Variants in CCDC178 observed in about 807,000 individuals in gnomAD.
CCDC178 encodes the protein coiled-coil domain containing 178, also known as coiled-coil domain-containing protein 178.
A neutral mutation model predicts 117.4 loss-of-function variants in CCDC178; 126 were observed. The ratio of observed to expected loss-of-function variants is 1.07; its 90% CI spans 0.93 to 1.24. CCDC178 has a LOEUF of 1.24. CCDC178 is among the 50% of genes most tolerant of loss of function. The pLI, the probability that CCDC178 is intolerant of heterozygous loss-of-function variation, is 0.00. For missense variants in CCDC178, 1,030 were observed against 986.9 expected (o/e 1.04, Z -0.59); for synonymous variants, 283 against 313.4 (o/e 0.90, Z 1.02).
intron 21 of CCDC178, among the ~76,000 whole-genome samples, chr18:33,050,746 G>T (rs1380693997): frequency 6.6e-6 from 1 of 152,056 alleles, no homozygotes; most frequent in Admixed American, 6.6e-5. Context: ...TATCTTCATT[G>T]GTGTAAGAAT....
chr18:33,172,216 C>A (rs2058610339), intron 20 of CCDC178, among the ~76,000 whole-genome samples: 1 of 152,122 alleles, frequency 6.6e-6, no homozygotes, highest in Non-Finnish European at 1.5e-5. Context: ...AAACAAAAGA[C>A]CATTTTAAAA....
chr18:33,212,200 TC>T, intron 19 of CCDC178, 145 bp from the exon 20 acceptor site: 1 of 574,402 alleles, frequency 1.7e-6, no homozygotes, highest in South Asian at 2.4e-5. Flanking sequence ...CTGGTTTTTC[TC>T]AAGGTCTACT....
intron 11 of CCDC178, among the ~76,000 whole-genome samples, chr18:33,307,774 C>A (rs1416085824): frequency 6.6e-6 from 1 of 152,202 alleles, no homozygotes; most frequent in East Asian, 1.9e-4. Context: ...CTAGCCATGG[C>A]TAACAGGAGC....
intron 21 of CCDC178, among the ~76,000 whole-genome samples, chr18:33,056,887 A>C (rs1345264820): frequency 6.6e-6 from 1 of 151,744 alleles, no homozygotes; most frequent in Non-Finnish European, 1.5e-5. Context: ...CTGGAATTGT[A>C]GATATCATAA....
At chr18:33,100,191 C>A (rs1482774512) in intron 20 of CCDC178, among the ~76,000 whole-genome samples, 1 of 151,848 alleles carries the variant, frequency 6.6e-6, no homozygotes, top group African/African-American at 2.4e-5. Flanking sequence ...TATGAGGACA[C>A]AAAGGACTCC....
At chr18:33,397,519 G>A (rs1332140019) in intron 3 of CCDC178, among the ~76,000 whole-genome samples, 3 of 152,062 alleles carry the variant, frequency 2.0e-5, no homozygotes, top group African/African-American at 7.2e-5. Context: ...TCTGTTTAGT[G>A]TTCAAGAGAA....
Position 33,187,086 on chromosome 18 carries a change from GGAGA to G in CCDC178, c.2238+24806_2238+24809del, listed in dbSNP as rs58400297. Among the ~76,000 whole-genome samples, 545 of 140,056 alleles carry G rather than the reference GGAGA, an allele frequency of 3.9e-3. 7 individuals carry two copies. Among genetic ancestry groups the G allele is most frequent in the East Asian group, 7.6e-3 (35 of 4,580 alleles). The allele number at this position is 140,056 out of a possible 152,430, so 91.9% of individuals were successfully genotyped here. On this transcript the variant is annotated intron_variant, in intron 20 of 22. Coordinates refer to ENST00000383096, the MANE Select transcript of CCDC178 (RefSeq NM_001105528.4). ...ACAAGGCACATCTTACATGGCGGCA[GGAGA>G]GAGAGAGAGAGAGAGAGAGAGAGAG...
chr18:33,393,858 A>T (rs368023829), intron 4 of CCDC178, among the ~76,000 whole-genome samples: 3 of 152,198 alleles, frequency 2.0e-5, no homozygotes, highest in Non-Finnish European at 4.4e-5. Flanking sequence ...GTGTGTATAT[A>T]AGTGTGTTCA....
At chr18:33,229,940 T>C (rs1359786605) in intron 15 of CCDC178, among the ~76,000 whole-genome samples, 1 of 152,150 alleles carries the variant, frequency 6.6e-6, no homozygotes, top group East Asian at 1.9e-4. Flanking sequence ...ACATGAATTA[T>C]GTAGCTGCTG....
intron 14 of CCDC178, among the ~76,000 whole-genome samples, chr18:33,261,410 C>T (rs549918633): frequency 1.3e-4 from 20 of 151,152 alleles, no homozygotes; most frequent in African/African-American, 4.9e-4. Context: ...CAGTTCATGG[C>T]CAAGGTATGC....
At chr18:33,339,664 C>T (rs777170020) in intron 9 of CCDC178, among the ~76,000 whole-genome samples, 1 of 151,854 alleles carries the variant, frequency 6.6e-6, no homozygotes. Context: ...GTAACTGAAT[C>T]GGCAGTGGCG....
At chr18:33,233,153 C>G in intron 15 of CCDC178, among the ~76,000 whole-genome samples, 1 of 152,060 alleles carries the variant, frequency 6.6e-6, no homozygotes, top group Non-Finnish European at 1.5e-5. Flanking sequence ...CATCCTTAAA[C>G]CTGCATCTCT....
chr18:33,402,983 T>A (rs2063729392), intron 3 of CCDC178, among the ~76,000 whole-genome samples: 1 of 152,252 alleles, frequency 6.6e-6, no homozygotes, highest in African/African-American at 2.4e-5. Context: ...GTTACTGTGA[T>A]GCACAATTCT....
intron 8 of CCDC178, among the ~76,000 whole-genome samples, chr18:33,346,948 C>T (rs1367781776): frequency 6.6e-6 from 1 of 152,098 alleles, no homozygotes; most frequent in Non-Finnish European, 1.5e-5. Flanking sequence ...TCAATTAACT[C>T]CTTTAATGAG....
intron 11 of CCDC178, among the ~76,000 whole-genome samples, chr18:33,310,499 G>A (rs1038245579): frequency 6.6e-6 from 1 of 152,000 alleles, no homozygotes; most frequent in East Asian, 1.9e-4. Flanking sequence ...ATCAACCTGG[G>A]AAGCAAGCTG....
At chr18:33,311,892 G>T (rs2062348779) in intron 11 of CCDC178, among the ~76,000 whole-genome samples, 1 of 152,096 alleles carries the variant, frequency 6.6e-6, no homozygotes, top group Non-Finnish European at 1.5e-5. Flanking sequence ...AAAATTGCAG[G>T]ATTATAGGAG....
At chr18:33,022,277 G>C (rs2056138247) in intron 21 of CCDC178, among the ~76,000 whole-genome samples, 2 of 152,106 alleles carry the variant, frequency 1.3e-5, no homozygotes, top group Non-Finnish European at 2.9e-5. Context: ...GAAAGGAAAT[G>C]ATAAAGGAAG....
chr18:33,104,580 C>T (rs990030897), intron 20 of CCDC178, among the ~76,000 whole-genome samples: 4 of 151,730 alleles, frequency 2.6e-5, no homozygotes, highest in Non-Finnish European at 5.9e-5. Flanking sequence ...ATTTCCTCAG[C>T]CCTCTTTCTT....
chr18:32,959,048 C>G (rs1002158322), intron 22 of CCDC178, among the ~76,000 whole-genome samples: 2 of 152,080 alleles, frequency 1.3e-5, no homozygotes, highest in African/African-American at 4.8e-5. Flanking sequence ...AGGTTTGTTA[C>G]AATTATCAAG....
Sources: allele counts gnomAD v4.1 joint callset (sites outside exome capture counted in the v4.1 genomes callset), GRCh38; gene constraint gnomAD v4.1.1; transcripts MANE v1.5; gene names NCBI Gene and HGNC (gene_info 2026-07-23, HGNC 2026-07-21).